The following SYNE2 variants were observed in gnomAD, a reference collection of about 807,000 sequenced individuals.
SYNE2 encodes nesprin-2.
SYNE2 carries 431 observed loss-of-function variants against 856.3 expected under a neutral mutation model. That is an observed-to-expected ratio of 0.50 (90% CI 0.47 to 0.55). SYNE2 has a LOEUF of 0.55. Ranked by LOEUF, SYNE2 falls within the 20% of genes least tolerant of loss-of-function variation. The pLI is 0.00. For missense variants in SYNE2, 8,129 were observed against 8,023.2 expected (o/e 1.01, Z -0.50); for synonymous variants, 2,923 against 2,872.3 (o/e 1.02, Z -0.56).
At chr14:63,938,333 G>C (rs988498864) in intron 2 of SYNE2, among the ~76,000 whole-genome samples, 1 of 152,164 alleles carries the variant, frequency 6.6e-6, no homozygotes, top group African/African-American at 2.4e-5. Context: ...GTACACGCCT[G>C]TAGTCCCAGC....
chr14:64,090,882 T>C lies in SYNE2; in HGVS notation c.11810T>C (p.Ile3937Thr), dbSNP rs2097606500. Residue 3937 changes from isoleucine (I) to threonine (T), a missense_variant, in exon 60 of 116, where the codon ATA becomes ACA. Coordinates refer to ENST00000555002, the MANE Select transcript of SYNE2 (RefSeq NM_182914.3). The stretch of plus-strand genomic sequence containing the variant: ...ATAATTAAGGTCATACTTGAAAATA[T>C]ACGTCCCATGAAGAAAACCATTGCT... ...LKHGEVILENIRPMKKTIAEI... is the reference protein window; with the variant it reads ...LKHGEVILENTRPMKKTIAEI... 11 of 1,614,106 alleles carry C rather than the reference T, an allele frequency of 6.8e-6. No individual in the cohort carries two copies. Among genetic ancestry groups the C allele is most frequent in the Non-Finnish European group, 8.5e-6 (10 of 1,179,956 alleles).
At chr14:63,804,354 AG>A (rs1308762002) in intron 1 of SYNE2, among the ~76,000 whole-genome samples, 1 of 151,934 alleles carries the variant, frequency 6.6e-6, no homozygotes, top group Admixed American at 6.6e-5. Flanking sequence ...GCTGTGCAGA[AG>A]CTCTTTAGTT....
chr14:63,870,772 C>T (rs562316611), intron 1 of SYNE2, among the ~76,000 whole-genome samples: 143 of 151,950 alleles, frequency 9.4e-4, no homozygotes, highest in Non-Finnish European at 1.8e-3. Context: ...CTACACTATA[C>T]CACAGACATT....
At chr14:64,037,361 T>A (rs2097099655) in intron 45 of SYNE2, among the ~76,000 whole-genome samples, 2 of 151,002 alleles carry the variant, frequency 1.3e-5, no homozygotes, top group South Asian at 4.2e-4. Context: ...TTCAAGTATC[T>A]GTTTAACAAA....
At chr14:63,991,624 A>C (rs1175632366) in intron 21 of SYNE2, among the ~76,000 whole-genome samples, 1 of 152,180 alleles carries the variant, frequency 6.6e-6, no homozygotes, top group Non-Finnish European at 1.5e-5. Flanking sequence ...TTTCAGGTTG[A>C]TTTTTATGGT....
At chr14:63,945,069 T>G (rs2096003406) in intron 6 of SYNE2, among the ~76,000 whole-genome samples, 1 of 147,842 alleles carries the variant, frequency 6.8e-6, no homozygotes, top group South Asian at 2.1e-4. Context: ...CCTCCCAAAA[T>G]ATTGGGTTTA....
chr14:64,034,390 A>T, intron 45 of SYNE2: 2 of 412,870 alleles, frequency 4.8e-6, no homozygotes, highest in Non-Finnish European at 8.6e-6. Flanking sequence ...CCTTTTTGGA[A>T]TCCAGAGAGG....
chr14:63,961,453 G>T, intron 8 of SYNE2, 72 bp from the exon 9 acceptor site: 1 of 1,265,002 alleles, frequency 7.9e-7, no homozygotes, highest in Non-Finnish European at 1.1e-6. Context: ...AGAGGCTATG[G>T]CATAGCCCAT....
At position 64,167,579 on chromosome 14, in the gene SYNE2, A is replaced by G. The variant is rs1056275153; in HGVS notation, c.16845A>G (p.Ala5615=). ...AACTTTTGGAGAAGATAGAAGAAGC[A>G]CTCAAAGTGGATGTGGCTAACAGCC... ...WIQLLEKIEE[A]LKVDVANSLP... Residue 5615 remains alanine (A), a synonymous_variant, in exon 92 of 116, where the codon GCA becomes GCG. Transcript: ENST00000555002. 2 of 1,614,244 alleles carry G rather than the reference A, an allele frequency of 1.2e-6. No homozygotes were observed. The highest frequency in any genetic ancestry group is 1.7e-6 in the Non-Finnish European group (2 of 1,180,038).
chr14:63,851,288 G>C (rs1890431635), upstream of SYNE2, among the ~76,000 whole-genome samples: 1 of 152,192 alleles, frequency 6.6e-6, no homozygotes, highest in African/African-American at 2.4e-5. Context: ...TTGAACCCAG[G>C]AGGCAGAGTT....
intron 45 of SYNE2, among the ~76,000 whole-genome samples, chr14:64,039,342 G>T (rs540462747): frequency 2.6e-4 from 39 of 152,344 alleles, no homozygotes; most frequent in Non-Finnish European, 3.8e-4. Context: ...CTTGCCTCTT[G>T]TGACTGTGCT....
intron 96 of SYNE2, among the ~76,000 whole-genome samples, chr14:64,183,954 GGA>G (rs1443113907): frequency 7.3e-6 from 1 of 137,412 alleles, no homozygotes; most frequent in African/African-American, 2.7e-5. Flanking sequence ...TGGAAAGAAG[GGA>G]GAGGGAGGGG....
chr14:64,214,035 C>G, intron 105 of SYNE2, 159 bp from the exon 106 acceptor site: 1 of 1,082,170 alleles, frequency 9.2e-7, no homozygotes, highest in Non-Finnish European at 1.3e-6. Flanking sequence ...ACTGGAATAA[C>G]CAGAAACAGG....
intron 1 of SYNE2, among the ~76,000 whole-genome samples, chr14:63,838,487 C>T (rs1889937295): frequency 6.6e-6 from 1 of 151,766 alleles, no homozygotes; most frequent in Admixed American, 6.6e-5. Flanking sequence ...ATATATGAGT[C>T]ATTTTTATCC....
chr14:64,225,146 TTTTC>T (rs2098713325), intron 115 of SYNE2, 101 bp downstream of exon 115: 1 of 1,557,992 alleles, frequency 6.4e-7, no homozygotes, highest in Non-Finnish European at 8.8e-7. Flanking sequence ...AAAAATCTGG[TTTTC>T]TTTTGTCTGG....
intron 1 of SYNE2, among the ~76,000 whole-genome samples, chr14:63,867,647 G>A (rs777094314): frequency 2.0e-5 from 3 of 152,018 alleles, no homozygotes; most frequent in Non-Finnish European, 2.9e-5. Flanking sequence ...GCAGTAAGCC[G>A]AGGTCACACC....
chr14:64,080,724 G>A, intron 56 of SYNE2, 86 bp downstream of exon 56: 2 of 1,532,060 alleles, frequency 1.3e-6, no homozygotes, highest in East Asian at 2.3e-5. Flanking sequence ...GAAACAGTCA[G>A]TTTCTGTTGA....
intron 42 of SYNE2, among the ~76,000 whole-genome samples, chr14:64,027,120 A>T (rs2096986830): frequency 6.6e-6 from 1 of 152,330 alleles, no homozygotes; most frequent in Non-Finnish European, 1.5e-5. Flanking sequence ...TAAGCTATAA[A>T]AGCATAAACT....
At chr14:63,841,678 T>G (rs1410305789) in intron 1 of SYNE2, among the ~76,000 whole-genome samples, 1 of 152,214 alleles carries the variant, frequency 6.6e-6, no homozygotes, top group East Asian at 1.9e-4. Flanking sequence ...TTTGAATCTT[T>G]GCCAAACTAA....
Sources: gnomAD v4.1 joint callset for allele counts (sites outside exome capture counted in the v4.1 genomes callset) on GRCh38, gnomAD v4.1.1 for gene constraint, MANE v1.5 for transcripts, NCBI Gene and HGNC (gene_info 2026-07-23, HGNC 2026-07-21) for gene names.